The following KCNQ1 variants were observed in gnomAD, a reference collection of about 807,000 sequenced individuals.
KCNQ1 encodes potassium voltage-gated channel subfamily KQT member 1.
Under a neutral mutation model 72.4 loss-of-function variants are expected in KCNQ1, and 49 were observed. The observed-to-expected ratio is 0.68, with a 90% CI of 0.54 to 0.86. The LOEUF (loss-of-function observed/expected upper bound fraction) is 0.86, where lower values mean the gene tolerates loss of function less well. Among genes scored for constraint, KCNQ1 ranks in the 40% least tolerant of loss-of-function variants. KCNQ1 has a pLI of 0.00. For synonymous variants in KCNQ1, 450 were observed against 412.6 expected (o/e 1.09, Z -1.10); for missense variants, 790 against 945.1 (o/e 0.84, Z 2.15).
At chr11:2,840,834 G>T (rs916950478) in intron 15 of KCNQ1, among the ~76,000 whole-genome samples, 3 of 152,196 alleles carry the variant, frequency 2.0e-5, no homozygotes, top group Admixed American at 1.3e-4. Context: ...CCCTGGGAGG[G>T]AGTGGGCTTG....
rs529361287 is a variant in KCNQ1, at chr11:2,585,074, C to A, written c.1033-138C>A. Reference sequence around the variant, plus strand: ...TGGCCCAGGACAGGCAGGCTGGGCCCGAGGTGGGACTTGGGGGGGCTTCCA... The same window carrying A: ...TGGCCCAGGACAGGCAGGCTGGGCCAGAGGTGGGACTTGGGGGGGCTTCCA... On this transcript the variant is annotated intron_variant, in intron 7 of 15. Coordinates refer to ENST00000155840, the MANE Select transcript of KCNQ1 (RefSeq NM_000218.3). 21 of 771,380 alleles carry A rather than the reference C, an allele frequency of 2.7e-5. 1 individual carries two copies. Among genetic ancestry groups the A allele is most frequent in the Admixed American group, 1.6e-4 (9 of 55,898 alleles). 47.8% of individuals were successfully genotyped at this position (771,380 alleles called of 1,614,324 possible). A position where few individuals can be genotyped will look rare whatever the true frequency, so the allele number is the denominator to read the frequency against.
chr11:2,540,775 C>T (rs1487629104), intron 2 of KCNQ1, among the ~76,000 whole-genome samples: 2 of 152,234 alleles, frequency 1.3e-5, no homozygotes, highest in Admixed American at 6.5e-5. Context: ...GCAGAGAGCA[C>T]AGCCTGGGGA....
intron 11 of KCNQ1, among the ~76,000 whole-genome samples, chr11:2,717,769 C>T (rs930718451): frequency 1.7e-4 from 26 of 152,176 alleles, no homozygotes; most frequent in East Asian, 3.9e-4. Flanking sequence ...AGATAGAGAG[C>T]GGGTAGACAG....
In KCNQ1 at chr11:2,543,606, A is replaced by G. The variant is rs1430289858; in HGVS notation, c.477+15588A>G. Among the ~76,000 whole-genome samples the G allele has an allele frequency of 6.6e-6, 1 of 152,168 alleles. No homozygotes were observed. The highest frequency in any genetic ancestry group is 1.5e-5 in the Non-Finnish European group (1 of 68,034). On this transcript the variant is annotated intron_variant, in intron 2 of 15. Transcript: ENST00000155840. The surrounding 1 kb of genome is among the most constrained non-coding windows in gnomAD (Gnocchi z 5.6). Reference sequence around the variant, plus strand: ...ATCTTTTAAAGACCAAACATTTTCAATTTTATGAAGTCAAATATAGCTTTT... The same window carrying G: ...ATCTTTTAAAGACCAAACATTTTCAGTTTTATGAAGTCAAATATAGCTTTT...
intron 11 of KCNQ1, among the ~76,000 whole-genome samples, chr11:2,722,036 T>G (rs1195723178): frequency 6.6e-6 from 1 of 152,076 alleles, no homozygotes; most frequent in African/African-American, 2.4e-5. Context: ...TGTCCTCCAT[T>G]TGGTGGCCGC....
At position 2,601,124 on chromosome 11, in the gene KCNQ1, T is replaced by C. The variant is rs1156676356; in HGVS notation, c.1393+12270T>C. ...AAGTCTCTCCAGATTTAAATGCTTT[T>C]GGAAACCAGGCTTTACTGTGGTAGT... On this transcript the variant is annotated intron_variant, in intron 10 of 15. Coordinates refer to ENST00000155840, the MANE Select transcript of KCNQ1 (RefSeq NM_000218.3). The surrounding 1 kb of genome is among the most constrained non-coding windows in gnomAD (Gnocchi z 5.2). 6.6e-6 allele frequency among the ~76,000 whole-genome samples: 1 copy of C among 152,076 alleles called. No homozygotes were observed. Among genetic ancestry groups the C allele is most frequent in the Admixed American group, 6.5e-5 (1 of 15,272 alleles).
Position 2,486,701 on chromosome 11 carries a change from C to G in KCNQ1, c.386+41217C>G, listed in dbSNP as rs1031181574. On this transcript the variant is annotated intron_variant, in intron 1 of 15. Transcript: ENST00000155840. This position sits in a 1 kb window ranked among gnomAD's most constrained non-coding sequence, Gnocchi z 5.0. ...GAGAGCCTCAGGAAGCTTCCAATCA[C>G]GGCAGAAGGTGAAGCGGGAGTAGGT... Among the ~76,000 whole-genome samples the G allele has an allele frequency of 6.6e-6, 1 of 152,184 alleles. No individual in the cohort carries two copies. The highest frequency in any genetic ancestry group is 6.5e-5 in the Admixed American group (1 of 15,272).
At position 2,827,848 on chromosome 11, in the gene KCNQ1, C is replaced by A. The variant is rs1006780220; in HGVS notation, c.1795-19919C>A. Among the ~76,000 whole-genome samples the A allele has an allele frequency of 6.6e-6, 1 of 152,056 alleles. No individual in the cohort carries two copies. Among genetic ancestry groups the A allele is most frequent in the Non-Finnish European group, 1.5e-5 (1 of 68,020 alleles). On this transcript the variant is annotated intron_variant, in intron 15 of 15. Transcript: ENST00000155840. This position sits in a 1 kb window ranked among gnomAD's most constrained non-coding sequence, Gnocchi z 6.7. ...GTTTTCCGGAATGAAGAGGAAGGGG[C>A]GGGCAGAAGGCAGCGAGAGCTTTGT...
Position 2,642,388 on chromosome 11 carries a change from G to T in KCNQ1, c.1394-19573G>T. 2.5e-6 allele frequency: 1 copy of T among 398,028 alleles called. No homozygotes were observed. Among genetic ancestry groups the T allele is most frequent in the South Asian group, 1.3e-4 (1 of 7,818 alleles). 24.7% of individuals were successfully genotyped at this position (398,028 alleles called of 1,614,324 possible). On this transcript the variant is annotated intron_variant, in intron 10 of 15. Coordinates refer to ENST00000155840, the MANE Select transcript of KCNQ1 (RefSeq NM_000218.3). This position sits in a 1 kb window ranked among gnomAD's most constrained non-coding sequence, Gnocchi z 4.3. ...TGGTTGTAAAAGATAATGCCTTCTT[G>T]ATTTCTTTCTCAGCTGGTTCTTTAT...
At chr11:2,717,912 C>T (rs1265988245) in intron 11 of KCNQ1, among the ~76,000 whole-genome samples, 2 of 152,228 alleles carry the variant, frequency 1.3e-5, no homozygotes, top group Admixed American at 1.3e-4. Context: ...GGTATTAGCC[C>T]AGCATTTTAG....
In KCNQ1 at chr11:2,450,488, C is replaced by T. The variant is rs1165768071; in HGVS notation, c.386+5004C>T. On this transcript the variant is annotated intron_variant, in intron 1 of 15. Coordinates refer to ENST00000155840, the MANE Select transcript of KCNQ1 (RefSeq NM_000218.3). This position sits in a 1 kb window ranked among gnomAD's most constrained non-coding sequence, Gnocchi z 7.9. ...AAGGATTTGGTTACAGAGGGGAGGG[C>T]GGCAGCGTCTGGCTTCACTCTCGGG... Among the ~76,000 whole-genome samples the T allele has an allele frequency of 2.6e-5, 4 of 152,092 alleles. No homozygotes were observed. Among genetic ancestry groups the T allele is most frequent in the East Asian group, 3.9e-4 (2 of 5,194 alleles).
rs1349938903 is a variant in KCNQ1 at position 2,541,823 on chromosome 11, T to C, written c.477+13805T>C. On this transcript the variant is annotated intron_variant, in intron 2 of 15. Coordinates refer to ENST00000155840, the MANE Select transcript of KCNQ1 (RefSeq NM_000218.3). The surrounding 1 kb of genome is among the most constrained non-coding windows in gnomAD (Gnocchi z 4.8). Reference sequence around the variant, plus strand: ...ATTTGTAGTTTCTCCCCAGAGTTCATGGAGCCCCTGTCAGAGGCGCTGAGG... The same window carrying C: ...ATTTGTAGTTTCTCCCCAGAGTTCACGGAGCCCCTGTCAGAGGCGCTGAGG... Among the ~76,000 whole-genome samples the C allele has an allele frequency of 6.6e-6, 1 of 152,068 alleles. No individual in the cohort carries two copies. The highest frequency in any genetic ancestry group is 2.4e-5 in the African/African-American group (1 of 41,416).
chr11:2,776,189 C>T (rs568854923), intron 13 of KCNQ1, 135 bp downstream of exon 13: 1 of 744,260 alleles, frequency 1.3e-6, no homozygotes, highest in East Asian at 2.7e-5. Flanking sequence ...CCCTTCTCCT[C>T]ACCACCCCCA....
In KCNQ1 at chr11:2,759,579, A is replaced by T. The variant is rs375152380; in HGVS notation, c.1515-9265A>T. 6.6e-6 allele frequency among the ~76,000 whole-genome samples: 1 copy of T among 152,180 alleles called. No homozygotes were observed. Among genetic ancestry groups the T allele is most frequent in the Non-Finnish European group, 1.5e-5 (1 of 68,014 alleles). Reference sequence around the variant, plus strand: ...GAGTTGCAAAGAGCGACACCCCAGCATGTGGGAAGGAAGGGAGCGAGCTCT... The same window carrying T: ...GAGTTGCAAAGAGCGACACCCCAGCTTGTGGGAAGGAAGGGAGCGAGCTCT... On this transcript the variant is annotated intron_variant, in intron 11 of 15. Transcript: ENST00000155840. This position sits in a 1 kb window ranked among gnomAD's most constrained non-coding sequence, Gnocchi z 4.4.
chr11:2,696,517 CT>C, intron 11 of KCNQ1: 1 of 398,658 alleles, frequency 2.5e-6, no homozygotes, highest in Non-Finnish European at 4.4e-6. Flanking sequence ...CTCTGCTCTC[CT>C]TTTCAAAAGT....
In KCNQ1 at chr11:2,570,712, TG is replaced by T; in HGVS notation, c.567del (p.Arg190GlyfsTer47). On this transcript the variant is annotated frameshift_variant, in exon 3 of 16. Coordinates refer to ENST00000155840, the MANE Select transcript of KCNQ1 (RefSeq NM_000218.3). LOFTEE classifies it high-confidence loss of function. ...CTGCCGCAGCAAGTACGTGGGCCTCTGGGGGCGGCTGCGCTTTGCCCGGAAG... is the reference window on the plus strand; with the variant it reads ...CTGCCGCAGCAAGTACGTGGGCCTCTGGGGCGGCTGCGCTTTGCCCGGAAG... ...AGCRSKYVGL[W>X]GRLRFARKPI... is the part of the protein sequence containing the mutation. 2 of 1,612,398 alleles carry T rather than the reference TG, an allele frequency of 1.2e-6. No homozygotes were observed.
In KCNQ1 at chr11:2,673,963, G is replaced by T. The variant is rs1850237581; in HGVS notation, c.1514+11882G>T. 7.3e-6 allele frequency: 2 copies of T among 274,310 alleles called. No individual in the cohort carries two copies. The highest frequency in any genetic ancestry group is 1.6e-4 in the South Asian group (1 of 6,252). The allele number at this position is 274,310 out of a possible 1,614,324, so 17.0% of individuals were successfully genotyped here. On this transcript the variant is annotated intron_variant, in intron 11 of 15. Coordinates refer to ENST00000155840, the MANE Select transcript of KCNQ1 (RefSeq NM_000218.3). The surrounding 1 kb of genome is among the most constrained non-coding windows in gnomAD (Gnocchi z 4.5). Reference sequence around the variant, plus strand: ...TCCCCATGAGTGACAGCAGCCACAAGGGGATGCCCAGCATTGGGGGTGGGG... The same window carrying T: ...TCCCCATGAGTGACAGCAGCCACAATGGGATGCCCAGCATTGGGGGTGGGG...
chr11:2,571,541 G>A, intron 4 of KCNQ1, 138 bp downstream of exon 4: 2 of 745,950 alleles, frequency 2.7e-6, no homozygotes, highest in Admixed American at 4.0e-5. Flanking sequence ...GGGGCACTGA[G>A]CCATGTGCTG....
In KCNQ1 at chr11:2,690,960, G is replaced by T. The variant is rs554800322; in HGVS notation, c.1514+28879G>T. 3.3e-5 allele frequency: 13 copies of T among 398,666 alleles called. No homozygotes were observed. The highest frequency in any genetic ancestry group is 1.8e-4 in the African/African-American group (9 of 48,766). 24.7% of individuals were successfully genotyped at this position (398,666 alleles called of 1,614,324 possible). A position where few individuals can be genotyped will look rare whatever the true frequency, so the allele number is the denominator to read the frequency against. On this transcript the variant is annotated intron_variant, in intron 11 of 15. Transcript: ENST00000155840. The surrounding 1 kb of genome is among the most constrained non-coding windows in gnomAD (Gnocchi z 5.1). ...TGAAAGGTTCATTTGGGAGTCACGG[G>T]TATGTGTCAACAAAAGCCCACCAGA...
Sources: gnomAD v4.1 joint callset for allele counts (sites outside exome capture counted in the v4.1 genomes callset) on GRCh38, gnomAD v4.1.1 for gene constraint, Gnocchi (gnomAD v3.1) non-coding constraint, MANE v1.5 for transcripts, NCBI Gene and HGNC (gene_info 2026-07-23, HGNC 2026-07-21) for gene names.